IPO5: variants seen among roughly 807,000 people sequenced by gnomAD.
The protein encoded by IPO5 is importin-5.
IPO5 carries 18 observed loss-of-function variants against 143.3 expected under a neutral mutation model. The observed-to-expected ratio is 0.13, with a 90% CI of 0.09 to 0.19. IPO5 has a LOEUF of 0.19. Ranked by LOEUF, IPO5 falls within the 10% of genes least tolerant of loss-of-function variation. The pLI is 1.00. For synonymous variants in IPO5, 477 were observed against 465.7 expected, an observed-to-expected ratio of 1.02 and a Z score of -0.31; for missense variants, 1,013 against 1,336.9, an observed-to-expected ratio of 0.76 and a Z score of 3.78.
At chr13:97,983,552 C>G (rs1297715059) in intron 5 of IPO5, among the ~76,000 whole-genome samples, 1 of 118,108 alleles carries the variant, frequency 8.5e-6, no homozygotes, top group Non-Finnish European at 1.8e-5. Context: ...CCCCCCCCAC[C>G]GTCCCCCCGA....
intron 5 of IPO5, among the ~76,000 whole-genome samples, chr13:97,984,722 A>T (rs1217412566): frequency 1.3e-5 from 2 of 152,206 alleles, no homozygotes; most frequent in Non-Finnish European, 2.9e-5. Flanking sequence ...GAGTAACATC[A>T]GCTTGGGGAA....
chr13:98,017,306 T>A (rs1160816409), intron 25 of IPO5, among the ~76,000 whole-genome samples: 1 of 151,898 alleles, frequency 6.6e-6, no homozygotes, highest in Non-Finnish European at 1.5e-5. Context: ...TTTTTTAAAA[T>A]GTTTTATAGA....
intron 4 of IPO5, among the ~76,000 whole-genome samples, chr13:97,979,700 T>C (rs1886682973): frequency 6.6e-6 from 1 of 152,176 alleles, no homozygotes; most frequent in Non-Finnish European, 1.5e-5. Flanking sequence ...GAGAATTTCA[T>C]TGAGTGTTTT....
chr13:97,996,966 A>G (rs936642848), intron 11 of IPO5, among the ~76,000 whole-genome samples: 23 of 152,220 alleles, frequency 1.5e-4, no homozygotes, highest in African/African-American at 7.2e-5. Flanking sequence ...TTGTCAAAGA[A>G]AAGATGTAAT....
chr13:97,969,175 A>ATTTTTTTTTTT (rs60300496), intron 2 of IPO5, among the ~76,000 whole-genome samples: 19 of 43,906 alleles, frequency 4.3e-4, no homozygotes, highest in South Asian at 1.1e-3. Context: ...ATATATATAT[A>ATTTTTTTTTTT]TTTTTTTTTT....
chr13:97,975,970 C>T (rs1359150891), intron 3 of IPO5: 1 of 985,402 alleles, frequency 1.0e-6, no homozygotes, highest in African/African-American at 1.7e-5. Context: ...GTCGGAGGGT[C>T]TGAAAGCGAG....
chr13:97,983,236 A>G (rs564676567), intron 5 of IPO5, among the ~76,000 whole-genome samples: 1 of 152,326 alleles, frequency 6.6e-6, no homozygotes, highest in African/African-American at 2.4e-5. Context: ...AAAGAAGTAA[A>G]TTAGTTCAGT....
intron 2 of IPO5, among the ~76,000 whole-genome samples, chr13:97,955,483 C>T (rs756712468): frequency 5.4e-4 from 82 of 152,132 alleles, no homozygotes; most frequent in Non-Finnish European, 8.7e-4. Flanking sequence ...AGAAAATGAG[C>T]GGGGAAAACA....
chr13:98,001,019 G>A (rs1888724514), intron 13 of IPO5: 2 of 221,916 alleles, frequency 9.0e-6, no homozygotes, highest in African/African-American at 4.7e-5. Context: ...GGAGGTGATG[G>A]TGGAAGCCCA....
intron 18 of IPO5, 79 bp from the exon 19 acceptor site, chr13:98,009,802 A>G (rs1162078245): frequency 1.1e-5 from 12 of 1,102,056 alleles, no homozygotes; most frequent in African/African-American, 7.9e-5. Context: ...CATTGTTTCT[A>G]TGAAATAAGG....
At chr13:98,012,177 G>A in intron 20 of IPO5, 69 bp from the exon 21 acceptor site, 2 of 889,670 alleles carry the variant, frequency 2.2e-6, no homozygotes, top group Non-Finnish European at 3.8e-6. Context: ...TTATGATTTT[G>A]CTGTTTGTTA....
Position 97,964,778 on chromosome 13 carries a change from T to C in IPO5, c.-112-4945T>C, listed in dbSNP as rs145448241. ...AGCACCATTTCTTATATAGGGACAG[T>C]GTGGCGATTCCTCAAGGATCTAGAA... On this transcript the variant is annotated intron_variant, in intron 2 of 28. Coordinates refer to ENST00000651721, the MANE Select transcript of IPO5 (RefSeq NM_002271.6). Among the ~76,000 whole-genome samples the C allele has an allele frequency of 2.3e-4, 35 of 152,170 alleles. No individual in the cohort carries two copies. The East Asian group carries it at 6.0e-3, about 26-fold the overall frequency.
chr13:97,966,765 G>A (rs1452772690), intron 2 of IPO5, among the ~76,000 whole-genome samples: 9 of 152,164 alleles, frequency 5.9e-5, no homozygotes, highest in Non-Finnish European at 8.8e-5. Flanking sequence ...TCAGCTGGGC[G>A]CAGTGGCTCA....
rs981766201 is a variant in IPO5, at chr13:98,012,338, C to T, written c.2148C>T (p.His716=). 4 of 1,551,158 alleles carry T rather than the reference C, an allele frequency of 2.6e-6. No individual in the cohort carries two copies. Among genetic ancestry groups the T allele is most frequent in the East Asian group, 2.2e-5 (1 of 44,544 alleles). The change falls in exon 21 of 29, where the codon CAC becomes CAT. Residue 716 remains histidine (H), a synonymous_variant. Transcript: ENST00000651721. Reference sequence around the variant, plus strand: ...TCCCTTTACTGAAATTTTATTTCCACGATGATATCCTACAACTTCTGAATA... The same window carrying T: ...TCCCTTTACTGAAATTTTATTTCCATGATGATATCCTACAACTTCTGAATA... The part of the protein sequence containing the change: ...LMVPLLKFYF[H]DGVRVAAAES...
Position 97,990,449 on chromosome 13 carries a change from C to T in IPO5, c.581C>T (p.Ala194Val). The T allele has an allele frequency of 6.2e-7, 1 of 1,600,240 alleles. No individual in the cohort carries two copies. The highest frequency in any genetic ancestry group is 8.5e-7 in the Non-Finnish European group (1 of 1,175,664). Residue 194 changes from alanine (A) to valine (V), a missense_variant, in exon 9 of 29, where the codon GCT (alanine) becomes GTT (valine). Ala to Val is a moderately conservative substitution (Grantham distance 64). Coordinates refer to ENST00000651721, the MANE Select transcript of IPO5 (RefSeq NM_002271.6). ...TGATTTTAGATCAGGACGTTATCTG[C>T]TAGAGCTACAGCTGCATTTATACTT... ...QEHPSIRTLS[A>V]RATAAFILAN...
intron 4 of IPO5, among the ~76,000 whole-genome samples, chr13:97,979,255 T>C (rs1886643329): frequency 6.6e-6 from 1 of 152,210 alleles, no homozygotes; most frequent in African/African-American, 2.4e-5. Flanking sequence ...ATAAAAATAC[T>C]TAGTCGACAC....
chr13:98,005,743 G>A (rs1209034074), intron 16 of IPO5, among the ~76,000 whole-genome samples: 1 of 152,054 alleles, frequency 6.6e-6, no homozygotes, highest in African/African-American at 2.4e-5. Flanking sequence ...TCTTTATGAC[G>A]TAGTAAGACA....
intron 21 of IPO5, among the ~76,000 whole-genome samples, chr13:98,013,651 G>A (rs938866212): frequency 6.6e-6 from 1 of 152,098 alleles, no homozygotes; most frequent in Non-Finnish European, 1.5e-5. Context: ...AACTGAAAAG[G>A]CCAGCATAGG....
intron 12 of IPO5, among the ~76,000 whole-genome samples, chr13:98,000,330 A>G (rs1267439810): frequency 6.6e-6 from 1 of 152,032 alleles, no homozygotes; most frequent in Non-Finnish European, 1.5e-5. Flanking sequence ...TTTCTAAACT[A>G]TGGTGGATCA....
Sources: allele counts gnomAD v4.1 joint callset (sites outside exome capture counted in the v4.1 genomes callset), GRCh38; gene constraint gnomAD v4.1.1; transcripts MANE v1.5; gene names NCBI Gene and HGNC (gene_info 2026-07-23, HGNC 2026-07-21).